Variants in HSPA12A observed in about 807,000 individuals in gnomAD.
HSPA12A encodes the protein heat shock 70 kDa protein 12A.
A neutral mutation model predicts 69.2 loss-of-function variants in HSPA12A; 28 were observed. That is an observed-to-expected ratio of 0.40 (90% CI 0.30 to 0.55). The LOEUF is 0.55. HSPA12A is among the 20% of genes least tolerant of loss of function. The pLI is 0.38. For missense variants in HSPA12A, 686 were observed against 900.7 expected, an observed-to-expected ratio of 0.76 and a Z score of 3.05; for synonymous variants, 345 against 370.5, an observed-to-expected ratio of 0.93 and a Z score of 0.79.
At chr10:116,726,397 G>C (rs1351558930) in intron 1 of HSPA12A, among the ~76,000 whole-genome samples, 1 of 151,420 alleles carries the variant, frequency 6.6e-6, no homozygotes, top group Non-Finnish European at 1.5e-5. Context: ...CTCTCCCCAC[G>C]CATGCATGCA....
intron 1 of HSPA12A, among the ~76,000 whole-genome samples, chr10:116,740,373 C>T (rs1851448759): frequency 1.3e-5 from 2 of 152,108 alleles, no homozygotes; most frequent in South Asian, 2.1e-4. Context: ...CAACTCTGCT[C>T]CTATGCAATA....
intron 10 of HSPA12A, among the ~76,000 whole-genome samples, chr10:116,678,112 A>T (rs1849292190): frequency 6.6e-6 from 1 of 151,978 alleles, no homozygotes. Context: ...GGAGTATTCT[A>T]GCTAAATAAA....
chr10:116,753,102 A>G (rs961091299), intron 2 of HSPA12A, among the ~76,000 whole-genome samples: 2 of 152,216 alleles, frequency 1.3e-5, no homozygotes, highest in Non-Finnish European at 2.9e-5. Flanking sequence ...CACGTGTGGG[A>G]AGTACAATCT....
chr10:116,756,206 G>A (rs112858939), intron 2 of HSPA12A, among the ~76,000 whole-genome samples: 7 of 152,240 alleles, frequency 4.6e-5, no homozygotes, highest in Admixed American at 2.0e-4. Flanking sequence ...AACTCTGTCC[G>A]GAGACTGATG....
At chr10:116,804,132 G>GTCCTTCC (rs1845018277) in intron 2 of HSPA12A, among the ~76,000 whole-genome samples, 1 of 151,912 alleles carries the variant, frequency 6.6e-6, no homozygotes, top group Admixed American at 6.6e-5. Flanking sequence ...CCTCCCTCTT[G>GTCCTTCC]TCCTTCCTCC....
chr10:116,824,404 A>G (rs965027070), intron 2 of HSPA12A, among the ~76,000 whole-genome samples: 2 of 152,250 alleles, frequency 1.3e-5, no homozygotes, highest in Admixed American at 6.5e-5. Context: ...CATTCCTAAG[A>G]TATACCCAAG....
chr10:116,832,483 G>A (rs917677897), intron 2 of HSPA12A: 12 of 152,324 alleles, frequency 7.9e-5, no homozygotes, highest in African/African-American at 2.9e-4. Context: ...GTCTTTTCAG[G>A]GAAGTCAGTG....
chr10:116,849,608 G>A (rs1845993306), exon 1 of HSPA12A: 6 of 1,549,946 alleles, frequency 3.9e-6, no homozygotes, highest in Non-Finnish European at 4.4e-6. Flanking sequence ...GGACCACTAG[G>A]GAGCTGCAGA....
intron 2 of HSPA12A, among the ~76,000 whole-genome samples, chr10:116,763,503 A>G (rs1418070800): frequency 6.6e-6 from 1 of 152,150 alleles, no homozygotes; most frequent in South Asian, 2.1e-4. Context: ...CTGTTTGTAT[A>G]GTGCGATATG....
At chr10:116,825,844 T>G (rs1221800614) in intron 2 of HSPA12A, among the ~76,000 whole-genome samples, 1 of 152,322 alleles carries the variant, frequency 6.6e-6, no homozygotes, top group East Asian at 1.9e-4. Flanking sequence ...TTGAGTGAAT[T>G]GTACTGCATG....
chr10:116,678,002 C>G (rs1467175288), intron 10 of HSPA12A, among the ~76,000 whole-genome samples: 3 of 148,986 alleles, frequency 2.0e-5, no homozygotes, highest in Middle Eastern at 3.4e-3. Context: ...TTTTTTAACT[C>G]ATAAATGGAG....
intron 2 of HSPA12A, among the ~76,000 whole-genome samples, chr10:116,766,420 T>C (rs1844078248): frequency 6.6e-6 from 1 of 152,124 alleles, no homozygotes; most frequent in Non-Finnish European, 1.5e-5. Flanking sequence ...TGGAGGACTT[T>C]ACTCACTTTC....
intron 2 of HSPA12A, among the ~76,000 whole-genome samples, chr10:116,797,315 G>T (rs1202013613): frequency 6.6e-6 from 1 of 152,108 alleles, no homozygotes; most frequent in Non-Finnish European, 1.5e-5. Context: ...TTAGGTTGTG[G>T]GTCATCGTCC....
chr10:116,849,686 C>G (rs1398921352), exon 1 of HSPA12A: 2 of 1,548,264 alleles, frequency 1.3e-6, no homozygotes, highest in East Asian at 2.5e-5. Flanking sequence ...AAGAGCTGCT[C>G]AACTCCACCT....
intron 2 of HSPA12A, among the ~76,000 whole-genome samples, chr10:116,824,128 A>T (rs75294446): frequency 0.021 from 3,232 of 152,354 alleles, 112 homozygotes; most frequent in African/African-American, 0.074. Context: ...GAAGATGTAT[A>T]CAAATGTCCA....
intron 1 of HSPA12A, among the ~76,000 whole-genome samples, chr10:116,837,593 T>C (rs1845737229): frequency 6.6e-6 from 1 of 152,222 alleles, no homozygotes; most frequent in Non-Finnish European, 1.5e-5. Flanking sequence ...TGAAAGGTCA[T>C]GGTACAACTT....
rs556408929 is a variant in HSPA12A, at chr10:116,784,387, G to A, written c.91+50548C>T. The stretch of plus-strand genomic sequence containing the variant: ...TTGCCTGATTTCTCTGTTCTGCAGA[G>A]CATTTTTCACATCCTGGTCACTTTC... On this transcript the variant is annotated intron_variant, in intron 2 of 12. Transcript: ENST00000635765. 3.3e-5 allele frequency among the ~76,000 whole-genome samples: 5 copies of A among 152,352 alleles called. No homozygotes were observed. The South Asian group carries it at 1.0e-3, about 32-fold the overall frequency.
At chr10:116,798,512 A>G (rs1670456665) in intron 2 of HSPA12A, among the ~76,000 whole-genome samples, 1 of 152,076 alleles carries the variant, frequency 6.6e-6, no homozygotes, top group Non-Finnish European at 1.5e-5. Context: ...TTCAGACAAA[A>G]TCTTACACGG....
rs1850208856 is a variant in HSPA12A at position 116,705,297 on chromosome 10, G to C, written c.127-19C>G. 6.2e-7 allele frequency: 1 copy of C among 1,613,902 alleles called. No individual in the cohort carries two copies. The highest frequency in any genetic ancestry group is 8.5e-7 in the Non-Finnish European group (1 of 1,179,884). On this transcript the variant is annotated intron_variant, in intron 2 of 11. Coordinates refer to ENST00000369209, the MANE Select transcript of HSPA12A (RefSeq NM_025015.3). ...TGTCGTTCTGCAGATATACAGTGAGGCATGGGGGGTGTGGAGGGGTGGGCC... is the reference window on the plus strand; with the variant it reads ...TGTCGTTCTGCAGATATACAGTGAGCCATGGGGGGTGTGGAGGGGTGGGCC...
Sources: allele counts gnomAD v4.1 joint callset (sites outside exome capture counted in the v4.1 genomes callset), GRCh38; gene constraint gnomAD v4.1.1; transcripts MANE v1.5; gene names NCBI Gene and HGNC (gene_info 2026-07-23, HGNC 2026-07-21).